The following IFT57 variants were observed in gnomAD, a reference collection of about 807,000 sequenced individuals.
IFT57 encodes the protein intraflagellar transport protein 57 homolog.
Under a neutral mutation model 56.8 loss-of-function variants are expected in IFT57, and 59 were observed. The ratio of observed to expected loss-of-function variants is 1.04; its 90% CI spans 0.84 to 1.29. The LOEUF (loss-of-function observed/expected upper bound fraction) is 1.29. Ranked by LOEUF, IFT57 falls within the 50% of genes most tolerant of loss-of-function variation. The pLI, the probability that IFT57 is intolerant of heterozygous loss-of-function variation, is 0.00. For synonymous variants in IFT57, 209 were observed against 186.1 expected (o/e 1.12, Z -1.00); for missense variants, 470 against 522.1 (o/e 0.90, Z 0.97).
At chr3:108,210,870 A>C (rs2080339549) in intron 4 of IFT57, among the ~76,000 whole-genome samples, 1 of 152,214 alleles carries the variant, frequency 6.6e-6, no homozygotes, top group African/African-American at 2.4e-5. Flanking sequence ...GTTTGCTCTT[A>C]TGATAGTAGA....
intron 5 of IFT57, among the ~76,000 whole-genome samples, chr3:108,192,496 C>T (rs962081163): frequency 1.3e-5 from 2 of 151,894 alleles, no homozygotes; most frequent in African/African-American, 4.8e-5. Flanking sequence ...TTTCTCAGCC[C>T]TTCACATTTC....
At chr3:108,197,878 T>C (rs1239699977) in intron 5 of IFT57, among the ~76,000 whole-genome samples, 1 of 152,124 alleles carries the variant, frequency 6.6e-6, no homozygotes, top group Non-Finnish European at 1.5e-5. Flanking sequence ...ATCTGTAAAA[T>C]GAGAATAACA....
intron 6 of IFT57, among the ~76,000 whole-genome samples, chr3:108,177,308 A>G (rs2080129477): frequency 6.6e-6 from 1 of 151,758 alleles, no homozygotes; most frequent in African/African-American, 2.4e-5. Flanking sequence ...AACCTTACAC[A>G]AACTCTACCA....
At chr3:108,172,072 T>G (rs570839381) in intron 6 of IFT57, among the ~76,000 whole-genome samples, 1 of 152,056 alleles carries the variant, frequency 6.6e-6, no homozygotes, top group Admixed American at 6.6e-5. Context: ...GCATTGACAT[T>G]TAAAACATTT....
In IFT57 at chr3:108,162,220, A is replaced by G. The variant is rs2080037233; in HGVS notation, c.*257T>C. The G allele has an allele frequency of 3.2e-6, 1 of 311,160 alleles. No individual in the cohort carries two copies. The highest frequency in any genetic ancestry group is 6.0e-6 in the Non-Finnish European group (1 of 167,338). 19.3% of individuals were successfully genotyped at this position (311,160 alleles called of 1,614,324 possible). A position where few individuals can be genotyped will look rare whatever the true frequency, so the allele number is the denominator to read the frequency against. ...TACACAAGGAATGCTATGAAAAATG[A>G]GCCACCAGGTGGGAGCTTTAACATA... On this transcript the variant is annotated 3_prime_UTR_variant, in exon 11 of 11. Transcript: ENST00000264538.
intron 4 of IFT57, among the ~76,000 whole-genome samples, chr3:108,209,236 CTT>C (rs1389432147): frequency 4.6e-5 from 7 of 152,076 alleles, no homozygotes; most frequent in Non-Finnish European, 8.8e-5. Context: ...GATGTACTGA[CTT>C]TATATCACAG....
chr3:108,206,415 C>A (rs1309766131), intron 5 of IFT57, among the ~76,000 whole-genome samples: 1 of 151,842 alleles, frequency 6.6e-6, no homozygotes, highest in Admixed American at 6.6e-5. Context: ...TGTCAATTTT[C>A]CATAATACAG....
chr3:108,168,164 C>T (rs1381865398), intron 6 of IFT57, among the ~76,000 whole-genome samples: 1 of 151,826 alleles, frequency 6.6e-6, no homozygotes, highest in Non-Finnish European at 1.5e-5. Context: ...AAAAAAAATT[C>T]TAATTACTAG....
intron 5 of IFT57, among the ~76,000 whole-genome samples, chr3:108,205,866 ATATT>A (rs1031758555): frequency 3.0e-5 from 4 of 135,374 alleles, no homozygotes; most frequent in African/African-American, 8.2e-5. Context: ...TTTATATAAC[ATATT>A]TATTATATAT....
At chr3:108,180,833 A>G in intron 6 of IFT57, among the ~76,000 whole-genome samples, 2 of 152,210 alleles carry the variant, frequency 1.3e-5, no homozygotes, top group East Asian at 3.9e-4. Flanking sequence ...CATATTAAGT[A>G]ATTTTAAAAA....
chr3:108,185,398 G>A (rs2080175496), intron 6 of IFT57, among the ~76,000 whole-genome samples: 5 of 152,030 alleles, frequency 3.3e-5, no homozygotes, highest in Admixed American at 3.3e-4. Context: ...TGACTAAATG[G>A]CAGAAGATGA....
rs554052377 is a variant in IFT57 at position 108,160,840 on chromosome 3, T to C, written c.*1637A>G. The C allele has an allele frequency of 2.0e-5, 3 of 152,322 alleles. No individual in the cohort carries two copies. Among genetic ancestry groups the C allele is most frequent in the South Asian group, 2.1e-4 (1 of 4,828 alleles). The allele number at this position is 152,322 out of a possible 1,614,324, so 9.4% of individuals were successfully genotyped here. A position where few individuals can be genotyped will look rare whatever the true frequency, so the allele number is the denominator to read the frequency against. ...TATAATAAGCTCTTTATTCAAGGTA[T>C]GCACAGTGTTCTATAGGAAGAGAGG... On this transcript the variant is annotated 3_prime_UTR_variant, in exon 11 of 11. Transcript: ENST00000264538.
At chr3:108,181,114 A>T (rs7647452) in intron 6 of IFT57, among the ~76,000 whole-genome samples, 14,641 of 152,038 alleles carry the variant, frequency 0.096, 765 homozygotes, top group Middle Eastern at 0.12. Flanking sequence ...ACTTGTGATA[A>T]ACGGAACCTT....
chr3:108,203,328 T>G (rs1469118006), intron 5 of IFT57, among the ~76,000 whole-genome samples: 1 of 152,220 alleles, frequency 6.6e-6, no homozygotes, highest in African/African-American at 2.4e-5. Context: ...TGTCTCAGTG[T>G]TTGCATCCAG....
At chr3:108,196,286 C>T (rs1399175334) in intron 5 of IFT57, among the ~76,000 whole-genome samples, 1 of 152,126 alleles carries the variant, frequency 6.6e-6, no homozygotes, top group Non-Finnish European at 1.5e-5. Flanking sequence ...CTCTTTCTTT[C>T]CCTCCTTACA....
intron 6 of IFT57, among the ~76,000 whole-genome samples, chr3:108,181,996 T>C (rs937761845): frequency 9.9e-5 from 15 of 152,106 alleles, no homozygotes; most frequent in Admixed American, 3.9e-4. Flanking sequence ...ATAACGATTA[T>C]ATACATAAAA....
At chr3:108,220,556 C>CT (rs1576053887) in intron 1 of IFT57, among the ~76,000 whole-genome samples, 3 of 152,176 alleles carry the variant, frequency 2.0e-5, no homozygotes, top group African/African-American at 7.2e-5. Context: ...GCTCACTATC[C>CT]TTTCAAAGCA....
chr3:108,176,737 T>G (rs1344837315), intron 6 of IFT57, among the ~76,000 whole-genome samples: 1 of 151,858 alleles, frequency 6.6e-6, no homozygotes, highest in Non-Finnish European at 1.5e-5. Flanking sequence ...CAGTTTCTTC[T>G]GTGTTATCCA....
At chr3:108,163,151 C>A (rs761767179) in intron 10 of IFT57, among the ~76,000 whole-genome samples, 21 of 152,078 alleles carry the variant, frequency 1.4e-4, no homozygotes, top group Non-Finnish European at 2.8e-4. Flanking sequence ...GCAATCACTA[C>A]TGGCCCATAT....
Sources: allele counts gnomAD v4.1 joint callset (sites outside exome capture counted in the v4.1 genomes callset), GRCh38; gene constraint gnomAD v4.1.1; transcripts MANE v1.5; gene names NCBI Gene and HGNC (gene_info 2026-07-23, HGNC 2026-07-21).